The following NPIPA5 variants were observed in gnomAD, a reference collection of about 807,000 sequenced individuals.
The protein encoded by NPIPA5 is nuclear pore complex interacting protein family member A5, also known as nuclear pore complex-interacting protein family member A5.
In NPIPA5, 6 loss-of-function variants were observed where a neutral mutation model predicts 21.4. That is an observed-to-expected ratio of 0.28 (90% CI 0.15 to 0.55). The LOEUF (loss-of-function observed/expected upper bound fraction) is 0.55, where lower values mean the gene tolerates loss of function less well. Ranked by LOEUF, NPIPA5 falls within the 20% of genes least tolerant of loss-of-function variation. The pLI is 0.93. For synonymous variants in NPIPA5, 33 were observed against 115.3 expected (o/e 0.29, Z 4.57); for missense variants, 99 against 318.2 (o/e 0.31, Z 5.24).
intron 4 of NPIPA5, among the ~76,000 whole-genome samples, chr16:15,369,443 G>A (rs367832192): frequency 3.3e-4 from 49 of 150,010 alleles, no homozygotes; most frequent in South Asian, 3.2e-3. Context: ...GCAAAGCTCC[G>A]TCTCAGGAAA....
intron 4 of NPIPA5, among the ~76,000 whole-genome samples, chr16:15,369,174 G>C (rs888538888): frequency 1.4e-5 from 2 of 144,550 alleles, no homozygotes; most frequent in Non-Finnish European, 3.0e-5. Flanking sequence ...AAAAAAAAAA[G>C]CCTGGGTGTG....
At chr16:15,367,246 A>T (rs2050000650) in intron 4 of NPIPA5, among the ~76,000 whole-genome samples, 1 of 152,142 alleles carries the variant, frequency 6.6e-6, no homozygotes, top group South Asian at 2.1e-4. Context: ...ACCATCAGCC[A>T]TAGAGAGATC....
chr16:15,363,769 G>A lies in NPIPA5; in HGVS notation c.943C>T (p.Pro315Ser), dbSNP rs759568629. Residue 315 changes from proline (P) to serine (S), a missense_variant, in exon 8 of 8, where the codon CCC becomes TCC. Coordinates refer to ENST00000360151, the MANE Select transcript of NPIPA5 (RefSeq NM_001277325.2). Reference sequence around the variant, plus strand: ...GAGGGTGGAGCTGAGGGTGGAAGGGGAGTGAGCAGACACTCGGCAGGTGTC... The same window carrying A: ...GAGGGTGGAGCTGAGGGTGGAAGGGAAGTGAGCAGACACTCGGCAGGTGTC... ...LKTPAECLLT[P>S]LPPSAPPSAD... The A allele has an allele frequency of 7.7e-6, 10 of 1,297,536 alleles. No individual in the cohort carries two copies. In the Admixed American group the frequency reaches 1.9e-4, roughly 25 times the overall value. The allele number at this position is 1,297,536 out of a possible 1,614,324, so 80.4% of individuals were successfully genotyped here. A position where few individuals can be genotyped will look rare whatever the true frequency, so the allele number is the denominator to read the frequency against.
chr16:15,370,687 G>C (rs975686284), intron 2 of NPIPA5, among the ~76,000 whole-genome samples: 1 of 139,826 alleles, frequency 7.2e-6, no homozygotes, highest in African/African-American at 2.6e-5. Context: ...GCAGGAAAAG[G>C]TTGTGTTGAG....
chr16:15,365,950 T>C (rs1356322359), intron 5 of NPIPA5, among the ~76,000 whole-genome samples: 1 of 57,418 alleles, frequency 1.7e-5, no homozygotes, highest in African/African-American at 4.7e-5. Context: ...GCACCTGTAA[T>C]CCCAGCTACT....
upstream of NPIPA5, among the ~76,000 whole-genome samples, chr16:15,379,231 C>T (rs977378646): frequency 1.3e-5 from 2 of 152,202 alleles, no homozygotes; most frequent in African/African-American, 4.8e-5. Flanking sequence ...AAAGCCAATG[C>T]CTTTACCATA....
At chr16:15,370,427 C>CAA (rs2050120954) in intron 2 of NPIPA5, among the ~76,000 whole-genome samples, 1 of 138,442 alleles carries the variant, frequency 7.2e-6, no homozygotes, top group Non-Finnish European at 1.6e-5. Context: ...CTCTGTCACA[C>CAA]ACACACACAC....
upstream of NPIPA5, among the ~76,000 whole-genome samples, chr16:15,379,876 G>A (rs569678435): frequency 1.5e-3 from 228 of 151,362 alleles, no homozygotes; most frequent in Non-Finnish European, 2.7e-3. Context: ...CCCGGGAGAC[G>A]GAGGTTGCAG....
chr16:15,370,850 C>A (rs190704554), intron 2 of NPIPA5, among the ~76,000 whole-genome samples: 2 of 147,442 alleles, frequency 1.4e-5, no homozygotes, highest in Non-Finnish European at 3.0e-5. Flanking sequence ...AGATGGAGAC[C>A]ATCCTGGGCA....
At chr16:15,379,780 A>G (rs531273468), upstream of NPIPA5, among the ~76,000 whole-genome samples, 85 of 151,990 alleles carry the variant, frequency 5.6e-4, 1 homozygote, top group South Asian at 0.015. Context: ...CCCCATCTCT[A>G]CTAAGAATAC....
intron 4 of NPIPA5, among the ~76,000 whole-genome samples, chr16:15,367,517 G>A (rs1287674181): frequency 6.6e-6 from 1 of 151,950 alleles, no homozygotes; most frequent in Admixed American, 6.6e-5. Context: ...GCAGAAAAAG[G>A]AAACGGCCTC....
chr16:15,366,853 C>T, intron 4 of NPIPA5, 93 bp from the exon 5 acceptor site: 1 of 1,520,310 alleles, frequency 6.6e-7, no homozygotes, highest in Non-Finnish European at 8.8e-7. Context: ...TTCAAAGATC[C>T]CCCCTGCAAC....
intron 1 of NPIPA5, among the ~76,000 whole-genome samples, chr16:15,374,407 C>T (rs1010672621): frequency 1.2e-4 from 18 of 151,786 alleles, no homozygotes; most frequent in African/African-American, 3.9e-4. Context: ...CCATGTTGGC[C>T]AGTCTGGCCT....
In NPIPA5 at chr16:15,363,768, G is replaced by A. The variant is rs774369108; in HGVS notation, c.944C>T (p.Pro315Leu). 4 of 1,290,680 alleles carry A rather than the reference G, an allele frequency of 3.1e-6. 1 individual carries two copies. Among genetic ancestry groups the A allele is most frequent in the Non-Finnish European group, 4.1e-6 (4 of 986,116 alleles). 80.0% of individuals were successfully genotyped at this position (1,290,680 alleles called of 1,614,324 possible). ...TGAGGGTGGAGCTGAGGGTGGAAGG[G>A]GAGTGAGCAGACACTCGGCAGGTGT... ...LKTPAECLLT[P>L]LPPSAPPSAD... Residue 315 changes from proline to leucine, a missense_variant, in exon 8 of 8, where the codon CCC (proline) becomes CTC (leucine). By Grantham distance (98) the Pro-to-Leu change is moderately conservative. Coordinates refer to ENST00000360151, the MANE Select transcript of NPIPA5 (RefSeq NM_001277325.2).
upstream of NPIPA5, chr16:15,380,903 G>A (rs2050421852): frequency 1.9e-6 from 2 of 1,079,146 alleles, no homozygotes; most frequent in Non-Finnish European, 2.6e-6. Flanking sequence ...AGGGCACCAG[G>A]CCCCATCTGT....
Position 15,363,790 on chromosome 16 carries a change from G to T in NPIPA5, c.922C>A (p.Pro308Thr). The T allele has an allele frequency of 7.5e-7, 1 of 1,332,654 alleles. No homozygotes were observed. The highest frequency in any genetic ancestry group is 9.9e-7 in the Non-Finnish European group (1 of 1,008,170). 82.6% of individuals were successfully genotyped at this position (1,332,654 alleles called of 1,614,324 possible). A position where few individuals can be genotyped will look rare whatever the true frequency, so the allele number is the denominator to read the frequency against. Reference protein sequence around the residue: ...LPSADDNLKTPAECLLTPLPP... With the variant: ...LPSADDNLKTTAECLLTPLPP... The stretch of plus-strand genomic sequence containing the variant: ...AGGGGAGTGAGCAGACACTCGGCAG[G>T]TGTCTTGAGATTATCATCCGCTGAG... The change falls in exon 8 of 8, where the codon CCT (proline) becomes ACT (threonine). Residue 308 changes from proline to threonine, a missense_variant. Pro to Thr is a conservative substitution (Grantham distance 38). Around this residue, in one of 5 missense-constraint regions of NPIPA5, gnomAD observed 75 missense variants for 138.5 expected, o/e 0.54. Transcript: ENST00000360151.
At chr16:15,381,482 A>T (rs1317684580), upstream of NPIPA5, 1 of 982,596 alleles carries the variant, frequency 1.0e-6, no homozygotes, top group East Asian at 1.1e-4. Flanking sequence ...TCATTTTTAC[A>T]TTACTAATTA....
At chr16:15,380,047 T>G (rs577011103), upstream of NPIPA5, among the ~76,000 whole-genome samples, 1 of 151,974 alleles carries the variant, frequency 6.6e-6, no homozygotes, top group East Asian at 1.9e-4. Context: ...AGATCATTTT[T>G]GAGATTATCA....
At chr16:15,370,398 C>A (rs1420239933) in intron 2 of NPIPA5, among the ~76,000 whole-genome samples, 1 of 131,730 alleles carries the variant, frequency 7.6e-6, no homozygotes, top group Non-Finnish European at 1.6e-5. Context: ...TGCACTCCAG[C>A]CTGAGTGACA....
Sources: allele counts gnomAD v4.1 joint callset (sites outside exome capture counted in the v4.1 genomes callset), GRCh38; gene constraint gnomAD v4.1.1; regional missense constraint gnomAD v4.1.1; transcripts MANE v1.5; gene names NCBI Gene and HGNC (gene_info 2026-07-23, HGNC 2026-07-21).